GPC5: variants seen among roughly 807,000 people sequenced by gnomAD.
The protein encoded by GPC5 is glypican-5.
Under a neutral mutation model 53.9 loss-of-function variants are expected in GPC5, and 47 were observed. That is an observed-to-expected ratio of 0.87 (90% CI 0.69 to 1.11). GPC5 has a LOEUF of 1.11. Among genes scored for constraint, GPC5 ranks in the 50% most tolerant of loss-of-function variants. The pLI, the probability that GPC5 is intolerant of heterozygous loss-of-function variation, is 0.00. For missense variants in GPC5, 748 were observed against 713.1 expected, an observed-to-expected ratio of 1.05 and a Z score of -0.56; for synonymous variants, 286 against 263.3, an observed-to-expected ratio of 1.09 and a Z score of -0.84.
At chr13:92,380,311 G>A (rs2139305396) in intron 7 of GPC5, among the ~76,000 whole-genome samples, 1 of 152,190 alleles carries the variant, frequency 6.6e-6, no homozygotes, top group South Asian at 2.1e-4. Flanking sequence ...ATCTCTCAGT[G>A]AGAAGTTACA....
intron 6 of GPC5, among the ~76,000 whole-genome samples, chr13:91,948,377 TATTC>T (rs199857879): frequency 1.4e-4 from 21 of 152,040 alleles, no homozygotes; most frequent in South Asian, 8.3e-4. Context: ...CGAGCATAGA[TATTC>T]ATTCATTCAT....
At position 92,511,646 on chromosome 13, in the gene GPC5, C is replaced by T. The variant is rs151024089; in HGVS notation, c.1562-354636C>T. Among the ~76,000 whole-genome samples, 57 of 152,208 alleles carry T rather than the reference C, an allele frequency of 3.7e-4. 1 individual carries two copies. The highest frequency in any genetic ancestry group is 3.4e-3 in the Middle Eastern group (1 of 294). On this transcript the variant is annotated intron_variant, in intron 7 of 7. Coordinates refer to ENST00000377067, the MANE Select transcript of GPC5 (RefSeq NM_004466.6). ...GTGCTCTCATATTTTTCCCACAAAC[C>T]CCATGGTTCTTTGTAGGTTTTTCCC...
chr13:92,572,152 A>T (rs1331577352), intron 7 of GPC5, among the ~76,000 whole-genome samples: 1 of 152,234 alleles, frequency 6.6e-6, no homozygotes, highest in Non-Finnish European at 1.5e-5. Context: ...GATATTTGAA[A>T]ATAAGCATGT....
Position 91,564,681 on chromosome 13 carries a change from G to A in GPC5, c.325+115759G>A, listed in dbSNP as rs928807148. On this transcript the variant is annotated intron_variant, in intron 2 of 7. Transcript: ENST00000377067. The stretch of plus-strand genomic sequence containing the variant: ...TAATGGAATAGCAAATTTGCTTATA[G>A]GTATCCCTGAGATATGGGTGTAAAT... Among the ~76,000 whole-genome samples the A allele has an allele frequency of 1.1e-4, 16 of 152,176 alleles. No homozygotes were observed. The South Asian group carries it at 3.1e-3, about 30-fold the overall frequency.
intron 7 of GPC5, among the ~76,000 whole-genome samples, chr13:92,579,393 G>A (rs1218512367): frequency 6.7e-6 from 1 of 149,508 alleles, no homozygotes; most frequent in African/African-American, 2.5e-5. Flanking sequence ...AATAGAGTTG[G>A]TGTTTTAATA....
At chr13:92,106,706 T>C (rs2041513146) in intron 6 of GPC5, among the ~76,000 whole-genome samples, 1 of 152,096 alleles carries the variant, frequency 6.6e-6, no homozygotes, top group Non-Finnish European at 1.5e-5. Flanking sequence ...GTGCTAATTT[T>C]CATGAGTTGT....
At chr13:92,415,472 A>T (rs1273567588) in intron 7 of GPC5, among the ~76,000 whole-genome samples, 2 of 152,218 alleles carry the variant, frequency 1.3e-5, no homozygotes, top group Non-Finnish European at 2.9e-5. Context: ...TTTAGGAATT[A>T]TCCTACCTTC....
At chr13:91,832,598 GT>G (rs963334981) in intron 5 of GPC5, among the ~76,000 whole-genome samples, 1 of 151,924 alleles carries the variant, frequency 6.6e-6, no homozygotes, top group Non-Finnish European at 1.5e-5. Context: ...AATTTGATAT[GT>G]TTTTGCAGTG....
intron 6 of GPC5, among the ~76,000 whole-genome samples, chr13:92,122,486 G>A (rs1362251852): frequency 1.3e-5 from 2 of 151,566 alleles, no homozygotes; most frequent in African/African-American, 4.8e-5. Flanking sequence ...TTATCCTAAC[G>A]CCTTAGAACA....
intron 6 of GPC5, among the ~76,000 whole-genome samples, chr13:91,917,977 C>G (rs888274130): frequency 6.6e-6 from 1 of 152,134 alleles, no homozygotes; most frequent in Non-Finnish European, 1.5e-5. Context: ...ACCTTGGTAC[C>G]AATTTTACTG....
intron 7 of GPC5, among the ~76,000 whole-genome samples, chr13:92,734,300 T>G (rs1372023324): frequency 6.6e-6 from 1 of 151,854 alleles, no homozygotes; most frequent in Admixed American, 6.6e-5. Context: ...TATCCTCTGG[T>G]GCATGTTTGC....
chr13:92,757,935 G>T (rs922180955), intron 7 of GPC5, among the ~76,000 whole-genome samples: 1 of 151,430 alleles, frequency 6.6e-6, no homozygotes, highest in Middle Eastern at 3.4e-3. Flanking sequence ...GATTCCTCAG[G>T]GATCTAGAAC....
intron 7 of GPC5, among the ~76,000 whole-genome samples, chr13:92,392,566 C>T (rs1345097764): frequency 6.6e-6 from 1 of 151,978 alleles, no homozygotes; most frequent in East Asian, 1.9e-4. Flanking sequence ...ATCTAATTCA[C>T]CTTAAGAACT....
rs1412196667 is a variant in GPC5 at position 91,436,704 on chromosome 13, T to C, written c.164-12057T>C. Among the ~76,000 whole-genome samples the C allele has an allele frequency of 3.3e-5, 5 of 152,340 alleles. No individual in the cohort carries two copies. The South Asian group carries it at 6.2e-4, about 19-fold the overall frequency. ...GAGTTCTGTAGATGTCTGTTAGGTCTGCTTGGTGCAGAGCTGAGTTCAGTT... is the reference window on the plus strand; with the variant it reads ...GAGTTCTGTAGATGTCTGTTAGGTCCGCTTGGTGCAGAGCTGAGTTCAGTT... On this transcript the variant is annotated intron_variant, in intron 1 of 7. Coordinates refer to ENST00000377067, the MANE Select transcript of GPC5 (RefSeq NM_004466.6).
intron 6 of GPC5, among the ~76,000 whole-genome samples, chr13:92,106,673 A>G (rs934128851): frequency 6.6e-6 from 1 of 151,906 alleles, no homozygotes; most frequent in African/African-American, 2.4e-5. Context: ...ATCTTCTGCA[A>G]CTCTTTAGGT....
intron 7 of GPC5, among the ~76,000 whole-genome samples, chr13:92,418,906 G>C (rs1876436900): frequency 6.6e-6 from 1 of 152,166 alleles, no homozygotes; most frequent in Admixed American, 6.6e-5. Context: ...TAAGATGATT[G>C]CTAGGAAAAT....
At chr13:92,045,190 C>T (rs1323871465) in intron 6 of GPC5, among the ~76,000 whole-genome samples, 1 of 152,070 alleles carries the variant, frequency 6.6e-6, no homozygotes, top group Non-Finnish European at 1.5e-5. Flanking sequence ...AAATTTAGCC[C>T]GTTCTGTTTG....
chr13:92,545,005 G>T (rs1035010487), intron 7 of GPC5, among the ~76,000 whole-genome samples: 3 of 151,884 alleles, frequency 2.0e-5, no homozygotes, highest in Admixed American at 2.0e-4. Context: ...TGCCAGGTTG[G>T]TGTGCTGCAC....
intron 3 of GPC5, among the ~76,000 whole-genome samples, chr13:91,701,435 C>T (rs2035989468): frequency 6.6e-6 from 1 of 152,090 alleles, no homozygotes; most frequent in Non-Finnish European, 1.5e-5. Context: ...GAGATTCATA[C>T]AACATTTGTC....
Sources: gnomAD v4.1 joint callset for allele counts (sites outside exome capture counted in the v4.1 genomes callset) on GRCh38, gnomAD v4.1.1 for gene constraint, MANE v1.5 for transcripts, NCBI Gene and HGNC (gene_info 2026-07-23, HGNC 2026-07-21) for gene names.